FAF1: variants seen among roughly 807,000 people sequenced by gnomAD.
FAF1 encodes the protein Fas associated factor 1, also known as FAS-associated factor 1.
A neutral mutation model predicts 92.5 loss-of-function variants in FAF1; 25 were observed. The observed-to-expected ratio is 0.27, with a 90% CI of 0.20 to 0.38. The LOEUF is 0.38. FAF1 is among the 10% of genes least tolerant of loss of function. The probability of loss-of-function intolerance (pLI) is 1.00; values close to 1 mark genes in which losing one functional copy is unlikely to be tolerated. For missense variants in FAF1, 636 were observed against 793.3 expected, an observed-to-expected ratio of 0.80 and a Z score of 2.38; for synonymous variants, 234 against 273.2, an observed-to-expected ratio of 0.86 and a Z score of 1.42.
intron 7 of FAF1, among the ~76,000 whole-genome samples, chr1:50,675,106 G>T (rs1186930598): frequency 6.6e-6 from 1 of 152,144 alleles, no homozygotes; most frequent in African/African-American, 2.4e-5. Flanking sequence ...GGCCAGGCTG[G>T]TCTCAAACTC....
intron 12 of FAF1, among the ~76,000 whole-genome samples, chr1:50,568,589 T>G (rs895653855): frequency 1.3e-5 from 2 of 152,178 alleles, no homozygotes; most frequent in African/African-American, 4.8e-5. Flanking sequence ...AACCATTATC[T>G]ACTTTAATTT....
At chr1:50,876,702 C>T (rs1644574888) in intron 1 of FAF1, among the ~76,000 whole-genome samples, 1 of 152,154 alleles carries the variant, frequency 6.6e-6, no homozygotes, top group African/African-American at 2.4e-5. Context: ...TCTCCTACCT[C>T]GGCCTCCTGA....
chr1:50,904,968 T>C (rs1350813769), intron 1 of FAF1, among the ~76,000 whole-genome samples: 2 of 151,990 alleles, frequency 1.3e-5, no homozygotes, highest in Non-Finnish European at 2.9e-5. Context: ...ACATGTGCCA[T>C]GTTGGTGTGC....
chr1:50,608,380 G>A (rs1304818032), intron 8 of FAF1, among the ~76,000 whole-genome samples: 1 of 152,144 alleles, frequency 6.6e-6, no homozygotes, highest in Non-Finnish European at 1.5e-5. Flanking sequence ...ATAGACAAAG[G>A]TTTTACATGA....
At chr1:50,635,337 T>A (rs1236212414) in intron 8 of FAF1, among the ~76,000 whole-genome samples, 1 of 152,260 alleles carries the variant, frequency 6.6e-6, no homozygotes, top group Non-Finnish European at 1.5e-5. Flanking sequence ...AAACTCAGCC[T>A]AATTTCTCTA....
At chr1:50,659,988 A>T (rs895261516) in intron 7 of FAF1, among the ~76,000 whole-genome samples, 1 of 152,218 alleles carries the variant, frequency 6.6e-6, no homozygotes, top group African/African-American at 2.4e-5. Flanking sequence ...AAAACTAAGT[A>T]ATAATCTCTA....
chr1:50,517,601 C>T (rs990149409), intron 15 of FAF1, among the ~76,000 whole-genome samples: 1 of 152,136 alleles, frequency 6.6e-6, no homozygotes, highest in Non-Finnish European at 1.5e-5. Context: ...TAAACAAGCT[C>T]CCCAGGTGAT....
At chr1:50,920,130 T>A (rs1644951214) in intron 1 of FAF1, among the ~76,000 whole-genome samples, 1 of 151,748 alleles carries the variant, frequency 6.6e-6, no homozygotes, top group East Asian at 1.9e-4. Context: ...TGAAACCCTG[T>A]CTCTACTAAA....
chr1:50,554,390 T>TATATATATAGAGAGAGAGAGAGAG, intron 13 of FAF1, among the ~76,000 whole-genome samples: 20 of 93,676 alleles, frequency 2.1e-4, no homozygotes, highest in African/African-American at 6.2e-4. Context: ...TATATATATA[T>TATATATATAGAGAGAGAGAGAGAG]AGAGAGAGAG....
intron 1 of FAF1, among the ~76,000 whole-genome samples, chr1:50,885,222 T>C (rs912432545): frequency 6.6e-6 from 1 of 152,074 alleles, no homozygotes; most frequent in Non-Finnish European, 1.5e-5. Flanking sequence ...CAACTTTGCC[T>C]TTCATTGATC....
chr1:50,941,350 CAGGT>C (rs1645131277), intron 1 of FAF1, among the ~76,000 whole-genome samples: 1 of 152,112 alleles, frequency 6.6e-6, no homozygotes, highest in Non-Finnish European at 1.5e-5. Context: ...GCTGAGACTA[CAGGT>C]GCCAGCCACC....
chr1:50,848,316 C>T (rs1002419819), intron 2 of FAF1, among the ~76,000 whole-genome samples: 4 of 151,974 alleles, frequency 2.6e-5, no homozygotes, highest in Non-Finnish European at 5.9e-5. Flanking sequence ...CAAAAAAGTG[C>T]GAGAAGAATT....
intron 4 of FAF1, among the ~76,000 whole-genome samples, chr1:50,762,829 A>C (rs955803632): frequency 1.3e-5 from 2 of 152,180 alleles, no homozygotes; most frequent in Non-Finnish European, 2.9e-5. Flanking sequence ...AAAAGCCAAA[A>C]TTGACAAATG....
intron 6 of FAF1, among the ~76,000 whole-genome samples, chr1:50,707,912 A>G (rs1657752960): frequency 6.6e-6 from 1 of 152,170 alleles, no homozygotes. Flanking sequence ...ATGTATCAAC[A>G]TTAACTTGAT....
intron 2 of FAF1, among the ~76,000 whole-genome samples, chr1:50,816,043 A>AT (rs202037620): frequency 6.6e-6 from 1 of 150,780 alleles, no homozygotes; most frequent in African/African-American, 2.5e-5. Flanking sequence ...AAAAAAAAAA[A>AT]TTTTAAAAAA....
intron 1 of FAF1, among the ~76,000 whole-genome samples, chr1:50,901,102 T>C (rs1481255303): frequency 6.6e-6 from 1 of 152,226 alleles, no homozygotes; most frequent in Non-Finnish European, 1.5e-5. Context: ...TTGTTTTTCA[T>C]TAATAACATC....
chr1:50,782,623 C>T (rs1661218832), intron 4 of FAF1, among the ~76,000 whole-genome samples: 1 of 152,086 alleles, frequency 6.6e-6, no homozygotes, highest in African/African-American at 2.4e-5. Context: ...TCCAGCAATC[C>T]TCCCACCTAG....
intron 18 of FAF1, among the ~76,000 whole-genome samples, chr1:50,472,856 C>G (rs575691759): frequency 1.3e-5 from 2 of 152,082 alleles, no homozygotes; most frequent in African/African-American, 4.8e-5. Flanking sequence ...TACAGAATAG[C>G]CTTGCAAAAA....
chr1:50,785,132 C>CAAAAAAAAAAAAAA (rs748061344), intron 4 of FAF1, among the ~76,000 whole-genome samples: 1 of 59,136 alleles, frequency 1.7e-5, no homozygotes, highest in Non-Finnish European at 3.2e-5. Context: ...GACCCTATCT[C>CAAAAAAAAAAAAAA]AAAAAAAAAA....
Sources: allele counts gnomAD v4.1 joint callset (sites outside exome capture counted in the v4.1 genomes callset), GRCh38; gene constraint gnomAD v4.1.1; transcripts MANE v1.5; gene names NCBI Gene and HGNC (gene_info 2026-07-23, HGNC 2026-07-21).